SYBU: variants seen among roughly 807,000 people sequenced by gnomAD.
The protein encoded by SYBU is GOLSYN A protein.
SYBU carries 21 observed loss-of-function variants against 35.9 expected under a neutral mutation model. The ratio of observed to expected loss-of-function variants is 0.58; its 90% CI spans 0.41 to 0.84. The LOEUF is 0.84. Ranked by LOEUF, SYBU falls within the 40% of genes least tolerant of loss-of-function variation. SYBU has a pLI of 0.00. For missense variants in SYBU, 768 were observed against 848.2 expected (o/e 0.91, Z 1.17); for synonymous variants, 319 against 324.3 (o/e 0.98, Z 0.18).
In SYBU at chr8:109,612,065, C is replaced by G. The variant is rs138351404; in HGVS notation, c.427+6777G>C. 6.0e-3 allele frequency among the ~76,000 whole-genome samples: 907 copies of G among 152,224 alleles called. 2 individuals carry two copies. The highest frequency in any genetic ancestry group is 9.4e-3 in the Admixed American group (144 of 15,286). On this transcript the variant is annotated intron_variant, in intron 3 of 6. Coordinates refer to ENST00000276646, the MANE Select transcript of SYBU (RefSeq NM_001099754.2). ...AAGGTGGACTTTACTACTATGGCCG[C>G]GGTTAAGAGTTAGGAGCAAGGCTAC... is the stretch of plus-strand genomic sequence containing the variant.
At chr8:109,587,376 A>T (rs921645475) in intron 3 of SYBU, among the ~76,000 whole-genome samples, 3 of 152,176 alleles carry the variant, frequency 2.0e-5, no homozygotes, top group African/African-American at 7.2e-5. Context: ...TAATCTCACT[A>T]TTTTACTATT....
chr8:109,642,967 A>G (rs762421969), intron 1 of SYBU, 35 bp from the exon 2 acceptor site: 7 of 1,451,774 alleles, frequency 4.8e-6, no homozygotes, highest in Non-Finnish European at 6.4e-6. Flanking sequence ...AAACAAAAGG[A>G]AACGCGTTTC....
At chr8:109,621,296 T>G (rs977080258) in intron 2 of SYBU, among the ~76,000 whole-genome samples, 4 of 152,244 alleles carry the variant, frequency 2.6e-5, no homozygotes, top group Admixed American at 2.0e-4. Flanking sequence ...TGCTGGGGTC[T>G]GGTTAAAATT....
At chr8:109,577,424 A>C (rs922513318) in intron 6 of SYBU, among the ~76,000 whole-genome samples, 1 of 152,288 alleles carries the variant, frequency 6.6e-6, no homozygotes, top group Admixed American at 6.5e-5. Flanking sequence ...TCGGCACAGA[A>C]ATAGCATGCA....
At chr8:109,685,092 C>T (rs781351590), upstream of SYBU, among the ~76,000 whole-genome samples, 20 of 152,148 alleles carry the variant, frequency 1.3e-4, no homozygotes, top group Non-Finnish European at 2.5e-4. Context: ...GAGTTTCATT[C>T]TGAATTTCTA....
chr8:109,633,079 A>T (rs1813818946), intron 2 of SYBU, among the ~76,000 whole-genome samples: 1 of 152,236 alleles, frequency 6.6e-6, no homozygotes, highest in South Asian at 2.1e-4. Context: ...TATAAATGTG[A>T]TTAGCTCCGG....
intron 3 of SYBU, among the ~76,000 whole-genome samples, chr8:109,611,351 G>A (rs1586823837): frequency 6.6e-6 from 1 of 152,258 alleles, no homozygotes; most frequent in East Asian, 1.9e-4. Flanking sequence ...CCATTAAAGG[G>A]CCATTTGGCA....
At chr8:109,576,042 TAAAAAAAAAAAAAA>T (rs71305959) in intron 6 of SYBU, 29 bp from the exon 7 acceptor site, 13 of 846,598 alleles carry the variant, frequency 1.5e-5, no homozygotes, top group South Asian at 7.7e-5. Context: ...CATGGTTAAT[TAAAAAAAAAAAAAA>T]AAAAAAAAAA....
rs991822943 is a variant in SYBU, at chr8:109,574,727, T to C, written c.*179A>G. ...GACATTTACTGGAACCAGGTCTCCATGCCTTTGAAGATACCTCCGGTTTTA... is the reference window on the plus strand; with the variant it reads ...GACATTTACTGGAACCAGGTCTCCACGCCTTTGAAGATACCTCCGGTTTTA... On this transcript the variant is annotated 3_prime_UTR_variant, in exon 7 of 7. Transcript: ENST00000276646. 9 of 566,182 alleles carry C rather than the reference T, an allele frequency of 1.6e-5. No homozygotes were observed. Among genetic ancestry groups the C allele is most frequent in the Admixed American group, 3.7e-5 (1 of 26,962 alleles). The allele number at this position is 566,182 out of a possible 1,614,324, so 35.1% of individuals were successfully genotyped here. A position where few individuals can be genotyped will look rare whatever the true frequency, so the allele number is the denominator to read the frequency against.
At chr8:109,645,286 T>C (rs972933875), upstream of SYBU, 25 of 456,622 alleles carry the variant, frequency 5.5e-5, no homozygotes, top group Admixed American at 4.9e-4. Flanking sequence ...ATCCCTCTCG[T>C]ACCGGAGCCC....
intron 2 of SYBU, among the ~76,000 whole-genome samples, chr8:109,623,600 A>G (rs73317091): frequency 0.022 from 3,301 of 152,312 alleles, 121 homozygotes; most frequent in African/African-American, 0.074. Flanking sequence ...AAATGTTGTT[A>G]AAAAATGATT....
At chr8:109,680,136 C>T (rs1817348237) in intron 1 of SYBU, 2 of 152,234 alleles carry the variant, frequency 1.3e-5, no homozygotes, top group Non-Finnish European at 2.9e-5. Context: ...ATATCACATT[C>T]AAATTAATTC....
At chr8:109,666,143 G>A (rs899486712) in intron 1 of SYBU, among the ~76,000 whole-genome samples, 1 of 152,214 alleles carries the variant, frequency 6.6e-6, no homozygotes, top group Non-Finnish European at 1.5e-5. Flanking sequence ...GGCAACTGCT[G>A]TGCTTCTGAG....
chr8:109,579,927 C>G lies in SYBU; in HGVS notation c.606G>C (p.Lys202Asn), dbSNP rs774381466. 2 of 1,613,988 alleles carry G rather than the reference C, an allele frequency of 1.2e-6. No homozygotes were observed. Among genetic ancestry groups the G allele is most frequent in the Non-Finnish European group, 1.7e-6 (2 of 1,180,014 alleles). The change falls in exon 5 of 7, where the codon AAG becomes AAC. Residue 202 changes from lysine to asparagine, a missense_variant. Lys to Asn is a moderately conservative substitution (Grantham distance 94, BLOSUM62 0). Transcript: ENST00000276646. ...PGSSPSSPRE[K>N]DLLSMLCRNQ... is the part of the protein sequence containing the mutation. ...TCCTGCACAGCATGGACAGAAGGTC[C>G]TTTTCCCGCGGGGATGATGGGCTGC...
intron 1 of SYBU, among the ~76,000 whole-genome samples, chr8:109,667,118 T>A (rs1816782075): frequency 6.6e-6 from 1 of 152,170 alleles, no homozygotes; most frequent in Non-Finnish European, 1.5e-5. Flanking sequence ...CTATTGTTAT[T>A]ATTATTTCCT....
At position 109,654,847 on chromosome 8, in the gene SYBU, A is replaced by G. The variant is rs563837805; in HGVS notation, c.-129+25864T>C. Among the ~76,000 whole-genome samples the G allele has an allele frequency of 2.6e-5, 4 of 152,244 alleles. No individual in the cohort carries two copies. The East Asian group carries it at 7.7e-4, about 29-fold the overall frequency. On this transcript the variant is annotated intron_variant, in intron 1 of 5. Transcript: ENST00000408889. ...CTGTCTCCCCTTAACCATTACAACT[A>G]ATTGGAACCTAAGTCCTATCTGTTC...
chr8:109,587,489 G>T (rs1254506213), intron 3 of SYBU, among the ~76,000 whole-genome samples: 1 of 152,162 alleles, frequency 6.6e-6, no homozygotes, highest in Non-Finnish European at 1.5e-5. Flanking sequence ...CCTCAGAAAG[G>T]CAGTAGGAAG....
At chr8:109,682,157 A>T (rs1472118386), upstream of SYBU, among the ~76,000 whole-genome samples, 1 of 152,206 alleles carries the variant, frequency 6.6e-6, no homozygotes, top group Non-Finnish European at 1.5e-5. Context: ...GGGTGCTGCT[A>T]TGAGGATACC....
intron 1 of SYBU, among the ~76,000 whole-genome samples, chr8:109,653,834 C>T (rs1816250885): frequency 6.6e-6 from 1 of 152,126 alleles, no homozygotes; most frequent in South Asian, 2.1e-4. Context: ...CCCATCCTTC[C>T]CATTTCTGGT....
Sources: allele counts gnomAD v4.1 joint callset (sites outside exome capture counted in the v4.1 genomes callset), GRCh38; gene constraint gnomAD v4.1.1; transcripts MANE v1.5; gene names NCBI Gene and HGNC (gene_info 2026-07-23, HGNC 2026-07-21).